GRIP1: variants seen among roughly 807,000 people sequenced by gnomAD.
GRIP1 encodes glutamate receptor interacting protein 1, also known as glutamate receptor-interacting protein 1.
In GRIP1, 45 loss-of-function variants were observed where a neutral mutation model predicts 129.9. That is an observed-to-expected ratio of 0.35 (90% CI 0.27 to 0.44). The LOEUF (loss-of-function observed/expected upper bound fraction) is 0.44. Among genes scored for constraint, GRIP1 ranks in the 20% least tolerant of loss-of-function variants. The probability of loss-of-function intolerance (pLI) is 1.00; values close to 1 mark genes in which losing one functional copy is unlikely to be tolerated. For synonymous variants in GRIP1, 530 were observed against 520.8 expected, an observed-to-expected ratio of 1.02 and a Z score of -0.24; for missense variants, 1,196 against 1,396.8, an observed-to-expected ratio of 0.86 and a Z score of 2.29.
intron 4 of GRIP1, among the ~76,000 whole-genome samples, chr12:66,531,253 ATATATATATATATAT>A (rs1835335821): frequency 5.7e-5 from 1 of 17,396 alleles, no homozygotes; most frequent in East Asian, 1.1e-3. Context: ...AAAAAAAAAA[ATATATATATATATAT>A]ATATATATAT....
At chr12:66,934,248 G>A (rs1179157269) in intron 1 of GRIP1, among the ~76,000 whole-genome samples, 1 of 152,142 alleles carries the variant, frequency 6.6e-6, no homozygotes, top group Non-Finnish European at 1.5e-5. Flanking sequence ...CTCTGCTCAT[G>A]TCTTACTGAC....
chr12:66,911,775 C>G (rs975532826), intron 1 of GRIP1, among the ~76,000 whole-genome samples: 1 of 152,084 alleles, frequency 6.6e-6, no homozygotes, highest in Admixed American at 6.5e-5. Flanking sequence ...AAATATTTTA[C>G]TGATGTTACT....
Position 66,456,196 on chromosome 12 carries a change from T to C in GRIP1, c.1189A>G (p.Asn397Asp), listed in dbSNP as rs1329883257. 10 of 1,288,766 alleles carry C rather than the reference T, an allele frequency of 7.8e-6. No homozygotes were observed. The South Asian group carries it at 1.2e-4, about 16-fold the overall frequency. The allele number at this position is 1,288,766 out of a possible 1,614,324, so 79.8% of individuals were successfully genotyped here. A position where few individuals can be genotyped will look rare whatever the true frequency, so the allele number is the denominator to read the frequency against. Residue 397 changes from asparagine to aspartate, a missense_variant, in exon 10 of 25, where the codon AAC becomes GAC. This residue lies in a region of GRIP1 where 508 missense variants were observed against 587.0 expected (regional missense o/e 0.87). Transcript: ENST00000359742. Reference protein sequence around the residue: ...ALTFPKAPPPNSPPALVSSSF... With the variant: ...ALTFPKAPPPDSPPALVSSSF... ...AAGCATGGAACATTACGAGGGCTGT[T>C]TGGAGGAGGTGCTTTCGGGAATGTC... is the stretch of plus-strand genomic sequence containing the variant.
At chr12:66,971,892 T>A (rs1177521896) in intron 1 of GRIP1, among the ~76,000 whole-genome samples, 1 of 152,156 alleles carries the variant, frequency 6.6e-6, no homozygotes, top group Non-Finnish European at 1.5e-5. Context: ...GAATAACGTA[T>A]TTCAATATAG....
intron 7 of GRIP1, among the ~76,000 whole-genome samples, chr12:66,500,866 AT>A (rs1184391263): frequency 3.9e-5 from 6 of 152,338 alleles, no homozygotes; most frequent in African/African-American, 1.4e-4. Flanking sequence ...GACATTGTAT[AT>A]TGGTGTGCTC....
At chr12:66,845,797 C>A (rs2137062487) in intron 1 of GRIP1, among the ~76,000 whole-genome samples, 1 of 152,200 alleles carries the variant, frequency 6.6e-6, no homozygotes, top group South Asian at 2.1e-4. Context: ...ACAGAAAAGC[C>A]TGAACAAGAG....
At chr12:66,975,862 C>T (rs1399237042) in intron 1 of GRIP1, among the ~76,000 whole-genome samples, 1 of 152,140 alleles carries the variant, frequency 6.6e-6, no homozygotes, top group Non-Finnish European at 1.5e-5. Context: ...GCAGTCAGAG[C>T]ACAGCTGTTA....
chr12:66,661,091 GA>G (rs2033472871), intron 1 of GRIP1, among the ~76,000 whole-genome samples: 1 of 151,994 alleles, frequency 6.6e-6, no homozygotes, highest in African/African-American at 2.4e-5. Flanking sequence ...GGAAACGACA[GA>G]AACATGCTTA....
At chr12:66,460,671 T>C (rs1294432742) in intron 9 of GRIP1, among the ~76,000 whole-genome samples, 3 of 152,222 alleles carry the variant, frequency 2.0e-5, no homozygotes, top group Admixed American at 2.0e-4. Context: ...CTGAAAACTC[T>C]GTGGTATATG....
chr12:66,890,372 T>C (rs192439541), intron 1 of GRIP1, among the ~76,000 whole-genome samples: 1 of 152,348 alleles, frequency 6.6e-6, no homozygotes. Flanking sequence ...AGCTTAATCT[T>C]ATTGAATGCA....
intron 13 of GRIP1, among the ~76,000 whole-genome samples, chr12:66,434,585 C>T (rs1592857003): frequency 6.6e-6 from 1 of 152,230 alleles, no homozygotes; most frequent in African/African-American, 2.4e-5. Flanking sequence ...GGTAAAAAAC[C>T]ACTTAGGTGT....
chr12:66,739,529 G>A (rs753073530), intron 1 of GRIP1, among the ~76,000 whole-genome samples: 59 of 152,068 alleles, frequency 3.9e-4, no homozygotes, highest in Non-Finnish European at 6.5e-4. Flanking sequence ...TGATTATTGA[G>A]ATTCTGATTC....
At chr12:66,397,878 C>A (rs770369209) in intron 16 of GRIP1, among the ~76,000 whole-genome samples, 2 of 152,208 alleles carry the variant, frequency 1.3e-5, no homozygotes, top group Middle Eastern at 3.2e-3. Context: ...AATTTAATAA[C>A]AAGCCTTTGA....
chr12:66,379,507 C>A (rs2055995402), intron 19 of GRIP1, 71 bp from the exon 20 acceptor site: 14 of 1,452,500 alleles, frequency 9.6e-6, no homozygotes, highest in Non-Finnish European at 1.4e-5. Flanking sequence ...ACATTGTTAA[C>A]CAGTAGAGGA....
At chr12:66,504,167 C>T (rs185774639) in intron 7 of GRIP1, among the ~76,000 whole-genome samples, 1 of 152,158 alleles carries the variant, frequency 6.6e-6, no homozygotes, top group African/African-American at 2.4e-5. Flanking sequence ...CCAGTGATGT[C>T]GAATTACTAA....
At chr12:66,658,071 G>A (rs2033271249) in intron 1 of GRIP1, among the ~76,000 whole-genome samples, 3 of 152,112 alleles carry the variant, frequency 2.0e-5, no homozygotes, top group Admixed American at 6.5e-5. Context: ...GTACTTATTA[G>A]TGAAAGTAAT....
chr12:66,885,690 T>G (rs1003346824), intron 1 of GRIP1, among the ~76,000 whole-genome samples: 1 of 152,106 alleles, frequency 6.6e-6, no homozygotes, highest in African/African-American at 2.4e-5. Context: ...CAGATACAGC[T>G]GGTAAGCCTG....
intron 1 of GRIP1, among the ~76,000 whole-genome samples, chr12:66,905,105 G>A (rs2040909699): frequency 6.6e-6 from 1 of 152,112 alleles, no homozygotes; most frequent in African/African-American, 2.4e-5. Context: ...AAAGTAGATA[G>A]CATTTGGGTA....
chr12:66,851,735 C>A (rs1052673073), intron 1 of GRIP1, among the ~76,000 whole-genome samples: 2 of 152,082 alleles, frequency 1.3e-5, no homozygotes, highest in African/African-American at 4.8e-5. Context: ...GTAACTTAAC[C>A]AAGCCTCTGA....
Sources: gnomAD v4.1 joint callset for allele counts (sites outside exome capture counted in the v4.1 genomes callset) on GRCh38, gnomAD v4.1.1 for gene constraint, gnomAD v4.1.1 regional missense constraint, MANE v1.5 for transcripts, NCBI Gene and HGNC (gene_info 2026-07-23, HGNC 2026-07-21) for gene names.